The following SYT1 variants were observed in gnomAD, a reference collection of about 807,000 sequenced individuals.
SYT1 encodes the protein synaptotagmin-1.
A neutral mutation model predicts 44.8 loss-of-function variants in SYT1; 8 were observed. The observed-to-expected ratio is 0.18, with a 90% CI of 0.10 to 0.32. The LOEUF is 0.32. Among genes scored for constraint, SYT1 ranks in the 10% least tolerant of loss-of-function variants. SYT1 has a pLI of 1.00. For synonymous variants in SYT1, 154 were observed against 188.8 expected (o/e 0.82, Z 1.51); for missense variants, 286 against 509.3 (o/e 0.56, Z 4.22).
chr12:78,979,373 G>A (rs1467606628), intron 2 of SYT1, among the ~76,000 whole-genome samples: 1 of 151,986 alleles, frequency 6.6e-6, no homozygotes, highest in Non-Finnish European at 1.5e-5. Flanking sequence ...GTGGTCTAAA[G>A]CCAACCTACA....
At chr12:79,217,717 A>C (rs1345512832) in intron 4 of SYT1, 32 bp downstream of exon 4, 16 of 1,561,458 alleles carry the variant, frequency 1.0e-5, no homozygotes, top group South Asian at 2.4e-5. Flanking sequence ...TTGAGTAAAA[A>C]TAAGTGGTTG....
At chr12:78,942,676 A>G (rs866365843) in intron 1 of SYT1, among the ~76,000 whole-genome samples, 72 of 152,346 alleles carry the variant, frequency 4.7e-4, no homozygotes, top group African/African-American at 7.9e-4. Context: ...TATTAGTAAA[A>G]TAGGGTATTA....
At chr12:79,166,687 A>G (rs998349346) in intron 3 of SYT1, among the ~76,000 whole-genome samples, 9 of 151,984 alleles carry the variant, frequency 5.9e-5, no homozygotes, top group African/African-American at 2.2e-4. Flanking sequence ...AAATAGGTAT[A>G]AAAATACCTA....
chr12:79,441,327 G>A (rs1870405150), intron 9 of SYT1, among the ~76,000 whole-genome samples: 1 of 152,028 alleles, frequency 6.6e-6, no homozygotes, highest in African/African-American at 2.4e-5. Context: ...TGCTGTTGTT[G>A]TTGTTGTTGT....
At chr12:78,867,778 G>C (rs564472195) in intron 1 of SYT1, among the ~76,000 whole-genome samples, 1 of 152,036 alleles carries the variant, frequency 6.6e-6, no homozygotes, top group African/African-American at 2.4e-5. Context: ...TTATCAGATA[G>C]TTCTAATCAA....
intron 1 of SYT1, among the ~76,000 whole-genome samples, chr12:78,961,382 T>G (rs1340795259): frequency 2.0e-5 from 3 of 152,130 alleles, no homozygotes; most frequent in Non-Finnish European, 4.4e-5. Context: ...CTGCTGGGAC[T>G]ACAGGTACCA....
chr12:79,017,902 T>A lies in SYT1; in HGVS notation c.-83-29395T>A, dbSNP rs140114312. Among the ~76,000 whole-genome samples the A allele has an allele frequency of 4.5e-3, 687 of 152,056 alleles. 5 individuals carry two copies. The highest frequency in any genetic ancestry group is 0.015 in the African/African-American group (638 of 41,516). On this transcript the variant is annotated intron_variant, in intron 2 of 10. Transcript: ENST00000261205. The stretch of plus-strand genomic sequence containing the variant: ...ATGGTCCAGGCCAAAGGTGAAGAGG[T>A]CAGTAGGGATGGTTTAAAAAGACTG...
intron 8 of SYT1, among the ~76,000 whole-genome samples, chr12:79,337,165 G>A (rs976239331): frequency 1.3e-5 from 2 of 152,152 alleles, no homozygotes; most frequent in African/African-American, 4.8e-5. Context: ...TATTGCAGTA[G>A]ACAAAGAAGA....
In SYT1 at chr12:79,103,813, G is replaced by A. The variant is rs180968967; in HGVS notation, c.-18+56451G>A. ...AGGCATTTTTCATATGTGTGAAAAT[G>A]AGCCATAAGAGCTTCAACAGATAAT... is the stretch of plus-strand genomic sequence containing the variant. On this transcript the variant is annotated intron_variant, in intron 3 of 10. Transcript: ENST00000261205. 2.0e-5 allele frequency among the ~76,000 whole-genome samples: 3 copies of A among 152,124 alleles called. No individual in the cohort carries two copies. The East Asian group carries it at 5.8e-4, about 29-fold the overall frequency.
intron 2 of SYT1, among the ~76,000 whole-genome samples, chr12:79,044,365 A>G (rs1488389070): frequency 2.0e-5 from 3 of 151,532 alleles, no homozygotes; most frequent in Non-Finnish European, 1.5e-5. Flanking sequence ...TTCTCGCTTC[A>G]TTTCATTCAT....
chr12:79,075,476 G>C (rs928571603), intron 3 of SYT1, among the ~76,000 whole-genome samples: 2 of 152,180 alleles, frequency 1.3e-5, no homozygotes. Flanking sequence ...TAAGGAAATA[G>C]AGCCATGTTT....
At chr12:79,200,105 A>G (rs1048049034) in intron 3 of SYT1, among the ~76,000 whole-genome samples, 3 of 152,172 alleles carry the variant, frequency 2.0e-5, no homozygotes, top group African/African-American at 7.2e-5. Flanking sequence ...AGAATAGAAG[A>G]GAGATGAAAA....
chr12:79,133,808 G>C (rs1017747258), intron 3 of SYT1, among the ~76,000 whole-genome samples: 10 of 152,062 alleles, frequency 6.6e-5, no homozygotes, highest in Admixed American at 5.2e-4. Context: ...GGTTTGGGAA[G>C]GAAAAAATTA....
chr12:78,895,789 G>A (rs942097988), intron 1 of SYT1, among the ~76,000 whole-genome samples: 9 of 151,704 alleles, frequency 5.9e-5, no homozygotes, highest in African/African-American at 1.9e-4. Context: ...TTTGATCTAT[G>A]GTCTAAATTG....
At chr12:78,902,083 T>A in intron 1 of SYT1, among the ~76,000 whole-genome samples, 1 of 151,988 alleles carries the variant, frequency 6.6e-6, no homozygotes, top group South Asian at 2.1e-4. Flanking sequence ...AAATACCTAA[T>A]GTAGATGATT....
intron 1 of SYT1, among the ~76,000 whole-genome samples, chr12:78,880,945 A>G (rs1592519991): frequency 6.6e-6 from 1 of 151,562 alleles, no homozygotes; most frequent in East Asian, 2.0e-4. Flanking sequence ...TGTTTCTCTA[A>G]TCTCACACTA....
intron 3 of SYT1, among the ~76,000 whole-genome samples, chr12:79,113,051 C>A (rs1879099291): frequency 1.3e-5 from 2 of 152,200 alleles, no homozygotes; most frequent in African/African-American, 4.8e-5. Flanking sequence ...AATGAACAAG[C>A]CCAGATATCT....
intron 3 of SYT1, among the ~76,000 whole-genome samples, chr12:79,117,704 T>TATATATAAA (rs1555199601): frequency 6.9e-5 from 7 of 101,726 alleles, no homozygotes; most frequent in East Asian, 2.9e-4. Flanking sequence ...TATATATATA[T>TATATATAAA]ATATATATAT....
chr12:79,026,666 T>TA (rs1459275773), intron 2 of SYT1, among the ~76,000 whole-genome samples: 18 of 74,390 alleles, frequency 2.4e-4, no homozygotes, highest in South Asian at 1.2e-3. Context: ...ACATATATAT[T>TA]TTATATATAT....
Sources: allele counts gnomAD v4.1 joint callset (sites outside exome capture counted in the v4.1 genomes callset), GRCh38; gene constraint gnomAD v4.1.1; transcripts MANE v1.5; gene names NCBI Gene and HGNC (gene_info 2026-07-23, HGNC 2026-07-21).